Variants in DNAH5 observed in about 807,000 individuals in gnomAD.
The protein encoded by DNAH5 is axonemal beta dynein heavy chain 5.
A neutral mutation model predicts 518.2 loss-of-function variants in DNAH5; 372 were observed. The ratio of observed to expected loss-of-function variants is 0.72; its 90% CI spans 0.66 to 0.78. DNAH5 has a LOEUF of 0.78. Ranked by LOEUF, DNAH5 falls within the 30% of genes least tolerant of loss-of-function variation. DNAH5 has a pLI of 0.00. For missense variants in DNAH5, 5,523 were observed against 5,687.0 expected (o/e 0.97, Z 0.93); for synonymous variants, 2,039 against 2,025.9 (o/e 1.01, Z -0.17).
chr5:13,714,451 G>A lies in DNAH5; in HGVS notation c.13079C>T (p.Ala4360Val). 1.9e-6 allele frequency: 3 copies of A among 1,614,150 alleles called. No individual in the cohort carries two copies. Among genetic ancestry groups the A allele is most frequent in the Non-Finnish European group, 2.5e-6 (3 of 1,180,014 alleles). ...ETREAVVARL[A>V]DDMLEKLPPD... Reference sequence around the variant, plus strand: ...GGGCAGCTTCTCCAGCATATCATCAGCCAGCCGGGCCACCACCGCCTCCCG... The same window carrying A: ...GGGCAGCTTCTCCAGCATATCATCAACCAGCCGGGCCACCACCGCCTCCCG... The change falls in exon 75 of 79, where the codon GCT (alanine) becomes GTT (valine). Residue 4360 changes from alanine to valine, a missense_variant. By Grantham distance (64) the Ala-to-Val change is moderately conservative. Around this residue, in one of 3 missense-constraint regions of DNAH5, gnomAD observed 387 missense variants for 430.0 expected, o/e 0.90. Transcript: ENST00000265104.
intron 29 of DNAH5, 46 bp downstream of exon 29, chr5:13,862,502 T>C (rs748920683): frequency 1.9e-6 from 3 of 1,557,574 alleles, no homozygotes; most frequent in Non-Finnish European, 2.7e-6. Context: ...AAATGTTTGC[T>C]ATTACGGTTC....
intron 55 of DNAH5, among the ~76,000 whole-genome samples, chr5:13,774,015 TC>T (rs1753724833): frequency 6.6e-6 from 1 of 151,998 alleles, no homozygotes. Context: ...GATCAGCTCT[TC>T]CCAGCACGAA....
At chr5:13,871,187 GT>G (rs1197659583) in intron 23 of DNAH5, among the ~76,000 whole-genome samples, 185 bp from the exon 24 acceptor site, 2 of 152,040 alleles carry the variant, frequency 1.3e-5, no homozygotes, top group Non-Finnish European at 2.9e-5. Context: ...TTTAAAGTTT[GT>G]TTTTACAACA....
In DNAH5 at chr5:13,870,859, T is replaced by C. The variant is rs774184712; in HGVS notation, c.3742A>G (p.Lys1248Glu). ...GCAATCCGAATATCATCTAGGTCCTTAATTGGACGATTTAGTTTCTTATTG... is the reference window on the plus strand; with the variant it reads ...GCAATCCGAATATCATCTAGGTCCTCAATTGGACGATTTAGTTTCTTATTG... ...EFNKKLNRPI[K>E]DLDDIRIAMA... is the part of the protein sequence containing the mutation. The change falls in exon 24 of 79, where the codon AAG becomes GAG. Residue 1248 changes from lysine (K) to glutamate (E), a missense_variant. Coordinates refer to ENST00000265104, the MANE Select transcript of DNAH5 (RefSeq NM_001369.3). The C allele has an allele frequency of 6.2e-7, 1 of 1,613,880 alleles. No individual in the cohort carries two copies. The highest frequency in any genetic ancestry group is 8.5e-7 in the Non-Finnish European group (1 of 1,179,834).
intron 47 of DNAH5, among the ~76,000 whole-genome samples, chr5:13,804,689 A>G (rs1257884994): frequency 1.3e-5 from 2 of 152,242 alleles, no homozygotes; most frequent in Admixed American, 1.3e-4. Flanking sequence ...TGTTAACTCC[A>G]CCTTAACACT....
Position 13,867,970 on chromosome 5 carries a change from C to T in DNAH5, c.3857G>A (p.Arg1286Lys). 2 of 1,612,664 alleles carry T rather than the reference C, an allele frequency of 1.2e-6. No individual in the cohort carries two copies. The highest frequency in any genetic ancestry group is 8.5e-7 in the Non-Finnish European group (1 of 1,179,580). Residue 1286 changes from arginine to lysine, a missense_variant, in exon 25 of 79, where the codon AGA becomes AAA. Arg to Lys is a conservative substitution (Grantham distance 26, BLOSUM62 2). Around this residue, in one of 3 missense-constraint regions of DNAH5, gnomAD observed 5,121 missense variants for 5,223.3 expected, o/e 0.98. Coordinates refer to ENST00000265104, the MANE Select transcript of DNAH5 (RefSeq NM_001369.3). ...TTCCCTTGCTATCAGAAGTCCATAT[C>T]TGTTAAGCAGGGCATAAGATTCCTA... Reference protein sequence around the residue: ...PIEESYALLNRYGLLIAREEI... With the variant: ...PIEESYALLNKYGLLIAREEI...
At chr5:13,736,298 A>G (rs1747406270) in intron 66 of DNAH5, among the ~76,000 whole-genome samples, 1 of 152,100 alleles carries the variant, frequency 6.6e-6, no homozygotes, top group Non-Finnish European at 1.5e-5. Flanking sequence ...CTTAAGTTCC[A>G]GGGAGAAGCC....
intron 1 of DNAH5, among the ~76,000 whole-genome samples, chr5:13,960,298 G>A (rs1257175273): frequency 6.6e-6 from 1 of 152,178 alleles, no homozygotes; most frequent in Non-Finnish European, 1.5e-5. Context: ...GTGCACAGAT[G>A]AGTGAACCCC....
Position 13,808,326 on chromosome 5 carries a change from C to T in DNAH5, c.7753-601G>A, listed in dbSNP as rs1455285029. Among the ~76,000 whole-genome samples the T allele has an allele frequency of 5.9e-5, 9 of 151,840 alleles. 1 individual carries two copies. The highest frequency in any genetic ancestry group is 3.3e-4 in the Admixed American group (5 of 15,232). On this transcript the variant is annotated intron_variant, in intron 46 of 78. Coordinates refer to ENST00000265104, the MANE Select transcript of DNAH5 (RefSeq NM_001369.3). The stretch of plus-strand genomic sequence containing the variant: ...CAGCCATCTACCAGCCAAGGAGAGG[C>T]GCCTCTGAAGAACCCCAGCCTGCCA...
At chr5:13,914,178 G>A (rs1776369899) in intron 10 of DNAH5, among the ~76,000 whole-genome samples, 3 of 152,000 alleles carry the variant, frequency 2.0e-5, no homozygotes, top group South Asian at 4.1e-4. Flanking sequence ...GCAACTCAAA[G>A]GTGTGGCTTT....
At chr5:13,952,098 G>A (rs1780460102) in intron 1 of DNAH5, among the ~76,000 whole-genome samples, 1 of 149,002 alleles carries the variant, frequency 6.7e-6, no homozygotes, top group African/African-American at 2.5e-5. Flanking sequence ...CCCAGCCCAG[G>A]GCCTCTAACA....
intron 1 of DNAH5, among the ~76,000 whole-genome samples, chr5:13,997,954 CT>C (rs1239737265): frequency 6.6e-6 from 1 of 151,870 alleles, no homozygotes; most frequent in Non-Finnish European, 1.5e-5. Flanking sequence ...AGCAATTCTC[CT>C]GCCTCAGCCT....
intron 1 of DNAH5, among the ~76,000 whole-genome samples, chr5:13,990,487 A>G (rs1783454983): frequency 1.3e-5 from 2 of 152,136 alleles, no homozygotes; most frequent in South Asian, 4.1e-4. Flanking sequence ...CGGGAGGCAG[A>G]GCTTGCAGCA....
rs767443997 is a variant in DNAH5 at position 13,786,376 on chromosome 5, T to G, written c.8648-25A>C. 3 of 1,611,574 alleles carry G rather than the reference T, an allele frequency of 1.9e-6. No homozygotes were observed. The South Asian group carries it at 3.3e-5, about 18-fold the overall frequency. On this transcript the variant is annotated intron_variant, in intron 51 of 78. Transcript: ENST00000265104. Reference sequence around the variant, plus strand: ...CCTTTGGTGGGAAATAAGAATCAGTTAAGTTTCTGCAAATACCTGCATTTT... The same window carrying G: ...CCTTTGGTGGGAAATAAGAATCAGTGAAGTTTCTGCAAATACCTGCATTTT...
rs770818155 is a variant in DNAH5, at chr5:13,922,263, C to G, written c.504G>C (p.Leu168=). The G allele has an allele frequency of 1.1e-5, 17 of 1,613,744 alleles. No homozygotes were observed. The highest frequency in any genetic ancestry group is 1.3e-5 in the Non-Finnish European group (15 of 1,179,936). ...GGLLNSVRRL[L]SDIFIPALRA... ...TGAGAGCAGGAATGAAGATGTCCGACAGCAAACGTCTCACACTGTTGAGCA... is the reference window on the plus strand; with the variant it reads ...TGAGAGCAGGAATGAAGATGTCCGAGAGCAAACGTCTCACACTGTTGAGCA... The change falls in exon 5 of 79, where the codon CTG becomes CTC. Residue 168 remains leucine (L), a synonymous_variant. Transcript: ENST00000265104.
At chr5:13,773,580 C>T (rs928037222) in intron 55 of DNAH5, among the ~76,000 whole-genome samples, 2 of 152,152 alleles carry the variant, frequency 1.3e-5, no homozygotes, top group African/African-American at 4.8e-5. Context: ...TATCAAACAC[C>T]AGTAGCTGCT....
At chr5:14,008,642 A>G (rs1261439582) in intron 1 of DNAH5, among the ~76,000 whole-genome samples, 1 of 152,184 alleles carries the variant, frequency 6.6e-6, no homozygotes, top group Non-Finnish European at 1.5e-5. Flanking sequence ...TCAAAAAAAA[A>G]AGAAAAACAA....
At position 13,916,419 on chromosome 5, in the gene DNAH5, C is replaced by T; in HGVS notation, c.1126G>A (p.Ala376Thr). 6.4e-7 allele frequency: 1 copy of T among 1,555,960 alleles called. No individual in the cohort carries two copies. The highest frequency in any genetic ancestry group is 8.9e-7 in the Non-Finnish European group (1 of 1,129,612). Reference protein sequence around the residue: ...MMDAIPTLINAIKMIYSISHY... With the variant: ...MMDAIPTLINTIKMIYSISHY... Reference sequence around the variant, plus strand: ...GAGATACTATAGATCATTTTAATTGCATTTATAAGTGTAGGAATAGCATCC... The same window carrying T: ...GAGATACTATAGATCATTTTAATTGTATTTATAAGTGTAGGAATAGCATCC... Residue 376 changes from alanine to threonine, a missense_variant, in exon 9 of 79, where the codon GCA (alanine) becomes ACA (threonine). Physicochemically the swap from Ala to Thr is moderately conservative, Grantham distance 58. Transcript: ENST00000265104.
At position 13,898,657 on chromosome 5, in the gene DNAH5, G is replaced by C. The variant is rs1580796895; in HGVS notation, c.2259+1549C>G. ...CTACGAAATAAAATAATAGTATTCTGTCCTACTTACCTAACGTAGTGGTAG... is the reference window on the plus strand; with the variant it reads ...CTACGAAATAAAATAATAGTATTCTCTCCTACTTACCTAACGTAGTGGTAG... On this transcript the variant is annotated intron_variant, in intron 15 of 78. Coordinates refer to ENST00000265104, the MANE Select transcript of DNAH5 (RefSeq NM_001369.3). 11 of 398,546 alleles carry C rather than the reference G, an allele frequency of 2.8e-5. No homozygotes were observed. In the East Asian group the frequency reaches 3.6e-4, roughly 13 times the overall value. 24.7% of individuals were successfully genotyped at this position (398,546 alleles called of 1,614,324 possible). A position where few individuals can be genotyped will look rare whatever the true frequency, so the allele number is the denominator to read the frequency against.
Sources: gnomAD v4.1 joint callset for allele counts (sites outside exome capture counted in the v4.1 genomes callset) on GRCh38, gnomAD v4.1.1 for gene constraint, gnomAD v4.1.1 regional missense constraint, MANE v1.5 for transcripts, NCBI Gene and HGNC (gene_info 2026-07-23, HGNC 2026-07-21) for gene names.